The following MYOM2 variants were observed in gnomAD, a reference collection of about 807,000 sequenced individuals.
MYOM2 encodes the protein myomesin-2.
In MYOM2, 254 loss-of-function variants were observed where a neutral mutation model predicts 187.6. The ratio of observed to expected loss-of-function variants is 1.35; its 90% CI spans 1.22 to 1.50. The LOEUF is 1.50. MYOM2 is among the 40% of genes most tolerant of loss of function. MYOM2 has a pLI of 0.00. For missense variants in MYOM2, 2,796 were observed against 1,924.0 expected, an observed-to-expected ratio of 1.45 and a Z score of -8.48; for synonymous variants, 981 against 753.8, an observed-to-expected ratio of 1.30 and a Z score of -4.94.
chr8:2,046,246 T>C (rs961962678), intron 1 of MYOM2, among the ~76,000 whole-genome samples: 1 of 152,220 alleles, frequency 6.6e-6, no homozygotes, highest in Non-Finnish European at 1.5e-5. Flanking sequence ...CCTGGTGACA[T>C]GAGGAATGGG....
rs1451077999 is a variant in MYOM2 at position 2,079,585 on chromosome 8, GATTGCC to G, written c.1492_1497del (p.Ala498_Ile499del). ...CCGTTCATTTGGAGGGAGAGAAGGA[GATTGCC>G]ATTTATCAGGATGACCTTGAAGGTA... On this transcript the variant is annotated inframe_deletion, in exon 13 of 37. Coordinates refer to ENST00000262113, the MANE Select transcript of MYOM2 (RefSeq NM_003970.4). The G allele has an allele frequency of 6.2e-7, 1 of 1,614,038 alleles. No homozygotes were observed. Among genetic ancestry groups the G allele is most frequent in the African/African-American group, 1.3e-5 (1 of 74,912 alleles).
chr8:2,116,713 G>T (rs1019558414), intron 27 of MYOM2, among the ~76,000 whole-genome samples: 5 of 152,108 alleles, frequency 3.3e-5, no homozygotes, highest in African/African-American at 1.2e-4. Context: ...AAAGGAAAAT[G>T]GATACACTTT....
intron 6 of MYOM2, among the ~76,000 whole-genome samples, chr8:2,064,159 C>G (rs994020046): frequency 1.3e-5 from 2 of 152,328 alleles, no homozygotes; most frequent in East Asian, 1.9e-4. Context: ...TCTGCTCCGT[C>G]GTCTGCCCAG....
At chr8:2,142,460 T>C (rs1798306430) in intron 35 of MYOM2, 63 bp downstream of exon 35, 1 of 1,557,424 alleles carries the variant, frequency 6.4e-7, no homozygotes. Flanking sequence ...AAAGTGTCCA[T>C]ATTTTGGAGG....
At chr8:2,089,682 A>G (rs1025796) in intron 14 of MYOM2, among the ~76,000 whole-genome samples, 117,869 of 152,158 alleles carry the variant, frequency 0.77, 46,657 homozygotes, top group South Asian at 0.91. Context: ...ATTATCTTTC[A>G]TTATTTGCAG....
chr8:2,046,650 A>G (rs915119193), intron 1 of MYOM2, among the ~76,000 whole-genome samples: 1 of 152,108 alleles, frequency 6.6e-6, no homozygotes, highest in Non-Finnish European at 1.5e-5. Flanking sequence ...GCAGGTCCCC[A>G]CTGGAGTCTC....
chr8:2,109,060 C>T (rs532507048), intron 24 of MYOM2, among the ~76,000 whole-genome samples: 2 of 152,306 alleles, frequency 1.3e-5, no homozygotes, highest in Non-Finnish European at 1.5e-5. Context: ...TTTAGTATAG[C>T]TGTTGCTAAT....
intron 3 of MYOM2, 91 bp from the exon 4 acceptor site, chr8:2,057,257 G>GGAGA: frequency 6.9e-7 from 1 of 1,451,252 alleles, no homozygotes; most frequent in Non-Finnish European, 9.2e-7. Flanking sequence ...GAAACCCTAG[G>GGAGA]GAGAGAATGG....
intron 32 of MYOM2, among the ~76,000 whole-genome samples, chr8:2,139,835 T>C (rs1405730270): frequency 1.3e-5 from 2 of 152,228 alleles, no homozygotes; most frequent in Admixed American, 6.5e-5. Context: ...TTTGGCCTTA[T>C]ATGTTGCAGA....
chr8:2,071,220 C>G (rs923719939), intron 8 of MYOM2, among the ~76,000 whole-genome samples: 3 of 151,912 alleles, frequency 2.0e-5, no homozygotes, highest in African/African-American at 7.3e-5. Context: ...TTCTCGAACT[C>G]CTGGGCTCAA....
At chr8:2,109,919 C>T (rs993487390) in intron 25 of MYOM2, among the ~76,000 whole-genome samples, 2 of 152,220 alleles carry the variant, frequency 1.3e-5, no homozygotes, top group African/African-American at 4.8e-5. Flanking sequence ...TCTCCCCCCA[C>T]TGACAGCTTC....
At chr8:2,111,850 T>C (rs1049688562) in intron 25 of MYOM2, among the ~76,000 whole-genome samples, 4 of 152,216 alleles carry the variant, frequency 2.6e-5, no homozygotes, top group Non-Finnish European at 4.4e-5. Flanking sequence ...CCTGTGCCAG[T>C]TTTCTGTTTA....
chr8:2,125,965 G>C (rs1052483331), intron 31 of MYOM2, among the ~76,000 whole-genome samples: 1 of 152,004 alleles, frequency 6.6e-6, no homozygotes. Flanking sequence ...ATTTTGATAA[G>C]AATTGCATTC....
At chr8:2,093,225 T>C (rs1365243457) in intron 16 of MYOM2, among the ~76,000 whole-genome samples, 1 of 152,142 alleles carries the variant, frequency 6.6e-6, no homozygotes, top group East Asian at 1.9e-4. Flanking sequence ...CAAGAAGAGA[T>C]GTCATTGAAA....
chr8:2,100,152 C>CCTTT (rs1796654170), intron 19 of MYOM2, among the ~76,000 whole-genome samples: 1 of 144,382 alleles, frequency 6.9e-6, no homozygotes, highest in South Asian at 2.2e-4. Context: ...TTCCTTCCTT[C>CCTTT]CTTCCTTCCT....
intron 31 of MYOM2, chr8:2,127,615 G>A: frequency 6.1e-6 from 1 of 162,956 alleles, no homozygotes; most frequent in Non-Finnish European, 1.3e-5. Flanking sequence ...CAGGCAGGCA[G>A]TACCTCGGCG....
chr8:2,120,863 A>T (rs1797429845), intron 28 of MYOM2, among the ~76,000 whole-genome samples: 1 of 150,314 alleles, frequency 6.7e-6, no homozygotes, highest in South Asian at 2.1e-4. Flanking sequence ...AGGTTCGATA[A>T]CATGCTCAAG....
At chr8:2,075,910 C>T (rs573860227) in intron 10 of MYOM2, among the ~76,000 whole-genome samples, 5 of 152,330 alleles carry the variant, frequency 3.3e-5, no homozygotes, top group Non-Finnish European at 5.9e-5. Context: ...ATTGTAGACT[C>T]AGTGTTTTAT....
At chr8:2,067,473 G>A (rs1423764603) in intron 6 of MYOM2, among the ~76,000 whole-genome samples, 2 of 152,154 alleles carry the variant, frequency 1.3e-5, no homozygotes, top group African/African-American at 4.8e-5. Context: ...CATCCTAGTG[G>A]GATAGTGATG....
Sources: gnomAD v4.1 joint callset for allele counts (sites outside exome capture counted in the v4.1 genomes callset) on GRCh38, gnomAD v4.1.1 for gene constraint, MANE v1.5 for transcripts, NCBI Gene and HGNC (gene_info 2026-07-23, HGNC 2026-07-21) for gene names.